KSR1: variants seen among roughly 807,000 people sequenced by gnomAD.
KSR1 encodes kinase suppressor of ras 1, also known as kinase suppressor of ras.
In KSR1, 35 loss-of-function variants were observed where a neutral mutation model predicts 92.9. That is an observed-to-expected ratio of 0.38 (90% CI 0.29 to 0.50). The LOEUF (loss-of-function observed/expected upper bound fraction) is 0.50. KSR1 is among the 20% of genes least tolerant of loss of function. The probability of loss-of-function intolerance (pLI) is 0.94; values close to 1 mark genes in which losing one functional copy is unlikely to be tolerated. For synonymous variants in KSR1, 467 were observed against 472.6 expected, an observed-to-expected ratio of 0.99 and a Z score of 0.15; for missense variants, 972 against 1,158.5, an observed-to-expected ratio of 0.84 and a Z score of 2.34.
intron 14 of KSR1, among the ~76,000 whole-genome samples, chr17:27,606,373 A>G (rs571875288): frequency 7.2e-5 from 11 of 152,376 alleles, no homozygotes; most frequent in African/African-American, 2.6e-4. Flanking sequence ...CAGAGACACT[A>G]TAAACAGTTA....
chr17:27,580,171 C>T (rs2072693750), intron 3 of KSR1, among the ~76,000 whole-genome samples: 1 of 152,178 alleles, frequency 6.6e-6, no homozygotes, highest in African/African-American at 2.4e-5. Flanking sequence ...TGGTGGCAAG[C>T]TTGCTCCCTT....
chr17:27,487,450 TAA>T (rs923838971), intron 1 of KSR1, among the ~76,000 whole-genome samples: 2 of 151,606 alleles, frequency 1.3e-5, no homozygotes, highest in Non-Finnish European at 2.9e-5. Flanking sequence ...AAAATAAGAA[TAA>T]AAGGGGTTTA....
chr17:27,550,877 A>G (rs2071374035), intron 2 of KSR1, among the ~76,000 whole-genome samples, 169 bp downstream of exon 2: 1 of 152,208 alleles, frequency 6.6e-6, no homozygotes, highest in Admixed American at 6.5e-5. Flanking sequence ...TCCAGGGTAC[A>G]TGTGGCTCCA....
intron 1 of KSR1, among the ~76,000 whole-genome samples, chr17:27,546,675 C>T (rs990975434): frequency 3.3e-5 from 5 of 152,180 alleles, no homozygotes; most frequent in Admixed American, 3.3e-4. Flanking sequence ...GGCTATGGAA[C>T]GGAGCTGGGG....
chr17:27,611,431 G>C (rs2073913141), intron 17 of KSR1, 63 bp from the exon 18 acceptor site: 1 of 1,606,286 alleles, frequency 6.2e-7, no homozygotes, highest in Non-Finnish European at 8.5e-7. Flanking sequence ...TGGCTCAAGG[G>C]CCCCTGGGCT....
rs2071739242 is a variant in KSR1, at chr17:27,559,584, T to A, written c.372+8876T>A. Among the ~76,000 whole-genome samples the A allele has an allele frequency of 6.6e-6, 1 of 152,212 alleles. No homozygotes were observed. The highest frequency in any genetic ancestry group is 6.5e-5 in the Admixed American group (1 of 15,280). On this transcript the variant is annotated intron_variant, in intron 2 of 20. Transcript: ENST00000644974. The surrounding 1 kb of genome is among the most constrained non-coding windows in gnomAD (Gnocchi z 4.2). ...GACTGCATTGACCAGGGCCCTGTGG[T>A]GAGAGCTGGGATGCTGAAGACACCT...
intron 1 of KSR1, among the ~76,000 whole-genome samples, chr17:27,532,207 C>CT (rs1597964693): frequency 6.6e-6 from 1 of 152,218 alleles, no homozygotes; most frequent in African/African-American, 2.4e-5. Flanking sequence ...ATAATCCTCA[C>CT]TGGTTGACGT....
intron 1 of KSR1, among the ~76,000 whole-genome samples, chr17:27,504,545 C>T (rs2069307140): frequency 6.6e-6 from 1 of 152,092 alleles, no homozygotes. Flanking sequence ...AGGGTGGGTA[C>T]AGACGGGGAT....
chr17:27,597,473 T>C, intron 10 of KSR1, 37 bp downstream of exon 10: 1 of 1,564,144 alleles, frequency 6.4e-7, no homozygotes, highest in Non-Finnish European at 8.7e-7. Flanking sequence ...TTCTAAGGGA[T>C]ACAGTCAGAT....
chr17:27,585,304 C>T (rs897185188), intron 4 of KSR1, among the ~76,000 whole-genome samples: 4 of 152,252 alleles, frequency 2.6e-5, no homozygotes, highest in African/African-American at 9.6e-5. Context: ...GCCATGTGAC[C>T]TACTGAGCCT....
At position 27,577,931 on chromosome 17, in the gene KSR1, GCT is replaced by G; in HGVS notation, c.520+295_520+296del. ...TGGCATGGTTTCCTCTCTGTTGAGG[GCT>G]CTGTGTACCCTCTGCCAGCTTCCCA... On this transcript the variant is annotated intron_variant, in intron 3 of 20. Coordinates refer to ENST00000644974, the MANE Select transcript of KSR1 (RefSeq NM_001394583.1). The surrounding 1 kb of genome is among the most constrained non-coding windows in gnomAD (Gnocchi z 4.5). 1.9e-6 allele frequency: 1 copy of G among 531,500 alleles called. No homozygotes were observed. The highest frequency in any genetic ancestry group is 1.9e-5 in the South Asian group (1 of 51,606). 32.9% of individuals were successfully genotyped at this position (531,500 alleles called of 1,614,324 possible).
intron 1 of KSR1, among the ~76,000 whole-genome samples, chr17:27,517,427 G>T (rs1202299743): frequency 1.3e-5 from 2 of 151,884 alleles, no homozygotes; most frequent in East Asian, 3.9e-4. Flanking sequence ...CCACCCCCTG[G>T]GCTCAAGTGC....
At chr17:27,589,629 T>C (rs1174040075) in intron 6 of KSR1, among the ~76,000 whole-genome samples, 1 of 152,184 alleles carries the variant, frequency 6.6e-6, no homozygotes, top group African/African-American at 2.4e-5. Context: ...TACTGTGATA[T>C]ACGTTAAAAA....
chr17:27,577,888 T>TGCTGG lies in KSR1; in HGVS notation c.520+260_520+264dup, dbSNP rs1440593532. Reference sequence around the variant, plus strand: ...CATGGTTAGAAATCCCAGGCCTGTCTGCTGGGCTGGGCTGGCCTGGCATGG... The same window carrying TGCTGG: ...CATGGTTAGAAATCCCAGGCCTGTCTGCTGGGCTGGGCTGGGCTGGCCTGGCATGG... On this transcript the variant is annotated intron_variant, in intron 3 of 20. Transcript: ENST00000644974. The surrounding 1 kb of genome is among the most constrained non-coding windows in gnomAD (Gnocchi z 4.5). 1.6e-6 allele frequency: 1 copy of TGCTGG among 637,182 alleles called. No homozygotes were observed. The highest frequency in any genetic ancestry group is 2.8e-6 in the Non-Finnish European group (1 of 351,112). The allele number at this position is 637,182 out of a possible 1,614,324, so 39.5% of individuals were successfully genotyped here.
intron 2 of KSR1, among the ~76,000 whole-genome samples, chr17:27,571,970 C>T (rs2072327534): frequency 6.6e-6 from 1 of 152,238 alleles, no homozygotes; most frequent in Non-Finnish European, 1.5e-5. Context: ...CTAACTGGCC[C>T]TGAGCTGCCG....
At chr17:27,564,055 C>A (rs559033030) in intron 2 of KSR1, among the ~76,000 whole-genome samples, 11 of 119,092 alleles carry the variant, frequency 9.2e-5, no homozygotes, top group African/African-American at 3.5e-4. Context: ...ATGGCACGAT[C>A]TCGGCTCACT....
rs1395071704 is a variant in KSR1 at position 27,604,689 on chromosome 17, C to T, written c.1575C>T (p.Asp525=). The stretch of plus-strand genomic sequence containing the variant: ...CCTTGTTTACTCTTAGGCTCGATGA[C>T]CAGCCGAAAGCAGATGTGTTGGAAG... ...PEAADGTRLD[D]QPKADVLEAH... is the part of the protein sequence containing the mutation. The change falls in exon 13 of 21, where the codon GAC becomes GAT. Residue 525 remains aspartate, a synonymous_variant. Transcript: ENST00000644974. 1.9e-6 allele frequency: 3 copies of T among 1,614,002 alleles called. No individual in the cohort carries two copies. The highest frequency in any genetic ancestry group is 1.1e-5 in the South Asian group (1 of 91,088).
At chr17:27,498,203 G>T (rs1007152842) in intron 1 of KSR1, among the ~76,000 whole-genome samples, 4 of 151,894 alleles carry the variant, frequency 2.6e-5, no homozygotes, top group Non-Finnish European at 5.9e-5. Context: ...GGTGGCGGGC[G>T]CCTGTGGTCC....
In KSR1 at chr17:27,625,737, C is replaced by A. The variant is rs553615032; in HGVS notation, c.*2345C>A. 1 of 152,236 alleles carries A rather than the reference C, an allele frequency of 6.6e-6. No homozygotes were observed. Among genetic ancestry groups the A allele is most frequent in the African/African-American group, 2.4e-5 (1 of 41,448 alleles). 9.4% of individuals were successfully genotyped at this position (152,236 alleles called of 1,614,324 possible). ...ACAGATACTGTGAATTCAGCCCTCA[C>A]GGCCAACTGTGAAGGGGATGGAGAA... On this transcript the variant is annotated 3_prime_UTR_variant, in exon 21 of 21. Transcript: ENST00000644974.
Sources: gnomAD v4.1 joint callset for allele counts (sites outside exome capture counted in the v4.1 genomes callset) on GRCh38, gnomAD v4.1.1 for gene constraint, Gnocchi (gnomAD v3.1) non-coding constraint, MANE v1.5 for transcripts, NCBI Gene and HGNC (gene_info 2026-07-23, HGNC 2026-07-21) for gene names.